TMEM156: variants seen among roughly 807,000 people sequenced by gnomAD.
The protein encoded by TMEM156 is transmembrane protein 156.
Under a neutral mutation model 30.5 loss-of-function variants are expected in TMEM156, and 28 were observed. The ratio of observed to expected loss-of-function variants is 0.92; its 90% confidence interval spans 0.68 to 1.26. TMEM156 has a LOEUF of 1.26. Among genes scored for constraint, TMEM156 ranks in the 50% most tolerant of loss-of-function variants. The probability of loss-of-function intolerance (pLI) is 0.00; values close to 1 mark genes in which losing one functional copy is unlikely to be tolerated. For synonymous variants in TMEM156, 137 were observed against 119.9 expected (o/e 1.14, Z -0.93); for missense variants, 351 against 340.6 (o/e 1.03, Z -0.24).
At chr4:38,983,408 CT>C (rs1404616711) in intron 5 of TMEM156, among the ~76,000 whole-genome samples, 1 of 151,912 alleles carries the variant, frequency 6.6e-6, no homozygotes, top group Non-Finnish European at 1.5e-5. Context: ...TTTAAAGTTA[CT>C]TTTTTTTGAG....
chr4:39,024,872 G>C (rs1715099962), intron 1 of TMEM156, among the ~76,000 whole-genome samples: 1 of 152,182 alleles, frequency 6.6e-6, no homozygotes, highest in Admixed American at 6.5e-5. Flanking sequence ...AATTATGCCT[G>C]TTAAAAACAT....
Position 39,026,698 on chromosome 4 carries a change from G to A in TMEM156, c.88+5528C>T, listed in dbSNP as rs148713243. 3.0e-3 allele frequency among the ~76,000 whole-genome samples: 452 copies of A among 152,136 alleles called. 4 individuals are homozygous for A. Among genetic ancestry groups the A allele is most frequent in the African/African-American group, 0.01 (432 of 41,504 alleles). ...TCCCAACACTCTGGGAGGCTGAGGC[G>A]GGTGGGTCACTTGAGATCAGGAGTT... On this transcript the variant is annotated intron_variant, in intron 1 of 6. Transcript: ENST00000381938.
intron 1 of TMEM156, among the ~76,000 whole-genome samples, chr4:39,005,123 A>C (rs1176678209): frequency 6.6e-6 from 1 of 152,244 alleles, no homozygotes; most frequent in Non-Finnish European, 1.5e-5. Context: ...AAATCAAGTG[A>C]CTATATATTG....
intron 1 of TMEM156, among the ~76,000 whole-genome samples, chr4:39,029,197 G>A (rs1292819846): frequency 2.6e-5 from 4 of 151,918 alleles, no homozygotes; most frequent in African/African-American, 9.7e-5. Flanking sequence ...ACATGTTAAA[G>A]ACAGGGTATC....
In TMEM156 at chr4:39,008,075, A is replaced by G. The variant is rs149668732; in HGVS notation, c.89-9166T>C. On this transcript the variant is annotated intron_variant, in intron 1 of 6. Coordinates refer to ENST00000381938, the MANE Select transcript of TMEM156 (RefSeq NM_024943.3). ...ATATGCATATTGACTGCAAATAATT[A>G]TAACTTTATTTCTTACTTTCCAATC... Among the ~76,000 whole-genome samples the G allele has an allele frequency of 4.2e-3, 640 of 152,232 alleles. 3 individuals are homozygous for G. Among genetic ancestry groups the G allele is most frequent in the African/African-American group, 0.015 (621 of 41,550 alleles).
At chr4:38,977,506 A>G (rs1037032338) in intron 5 of TMEM156, among the ~76,000 whole-genome samples, 1 of 152,236 alleles carries the variant, frequency 6.6e-6, no homozygotes, top group African/African-American at 2.4e-5. Context: ...TTAAAAGGCA[A>G]AAAGGTAGGA....
chr4:39,013,519 G>A (rs1056354642), intron 1 of TMEM156, among the ~76,000 whole-genome samples: 1 of 151,712 alleles, frequency 6.6e-6, no homozygotes, highest in Non-Finnish European at 1.5e-5. Flanking sequence ...CCCTGCCTCA[G>A]CCTCCCGAGT....
intron 2 of TMEM156, among the ~76,000 whole-genome samples, chr4:38,998,031 A>G (rs983195245): frequency 3.3e-5 from 5 of 152,246 alleles, no homozygotes; most frequent in Non-Finnish European, 7.3e-5. Context: ...GATTCACTTA[A>G]AATTGTTTTT....
chr4:38,977,983 T>A (rs1436484495), intron 5 of TMEM156, among the ~76,000 whole-genome samples: 2 of 152,240 alleles, frequency 1.3e-5, no homozygotes, highest in South Asian at 2.1e-4. Context: ...CCATGACATC[T>A]GGTATCTAAC....
intron 6 of TMEM156, 90 bp downstream of exon 6, chr4:38,970,942 A>C: frequency 1.3e-6 from 1 of 778,634 alleles, no homozygotes. Flanking sequence ...ACCTCCTACC[A>C]GATAGAAATG....
intron 3 of TMEM156, 55 bp from the exon 4 acceptor site, chr4:38,989,025 G>A: frequency 6.4e-7 from 1 of 1,560,476 alleles, no homozygotes; most frequent in Non-Finnish European, 8.7e-7. Flanking sequence ...ACAGATAAAA[G>A]GCAATGTGGC....
At chr4:39,031,304 AT>A (rs1385849867) in intron 1 of TMEM156, among the ~76,000 whole-genome samples, 4 of 152,168 alleles carry the variant, frequency 2.6e-5, no homozygotes, top group Non-Finnish European at 5.9e-5. Flanking sequence ...ATACCTATTT[AT>A]TTTCCTAATC....
At chr4:39,023,691 A>C (rs1715014701) in intron 1 of TMEM156, among the ~76,000 whole-genome samples, 1 of 151,816 alleles carries the variant, frequency 6.6e-6, no homozygotes, top group South Asian at 2.1e-4. Flanking sequence ...AAAATACAAA[A>C]AATAAAAATA....
chr4:38,971,346 A>G (rs182176545), intron 5 of TMEM156, among the ~76,000 whole-genome samples: 33 of 152,312 alleles, frequency 2.2e-4, no homozygotes, highest in African/African-American at 7.9e-4. Flanking sequence ...CTGGGCACAA[A>G]TACCTGAAGC....
At chr4:39,011,227 A>C (rs1315986001) in intron 1 of TMEM156, among the ~76,000 whole-genome samples, 1 of 152,244 alleles carries the variant, frequency 6.6e-6, no homozygotes, top group African/African-American at 2.4e-5. Flanking sequence ...CACTAGTCAG[A>C]ATGACTATTA....
chr4:39,017,467 C>T (rs1714577910), intron 1 of TMEM156, among the ~76,000 whole-genome samples: 1 of 152,128 alleles, frequency 6.6e-6, no homozygotes, highest in African/African-American at 2.4e-5. Context: ...GTGTGAGCCA[C>T]CGCACCCAGC....
chr4:39,023,718 G>T (rs544900523), intron 1 of TMEM156, among the ~76,000 whole-genome samples: 5 of 152,240 alleles, frequency 3.3e-5, no homozygotes, highest in African/African-American at 9.6e-5. Context: ...TCCAGGCATG[G>T]TGGTGGGCAC....
chr4:38,993,266 C>G (rs1712672874), intron 3 of TMEM156, among the ~76,000 whole-genome samples: 1 of 151,882 alleles, frequency 6.6e-6, no homozygotes, highest in South Asian at 2.1e-4. Context: ...CCCGTCTCTA[C>G]TAAAAATACA....
rs554926680 is a variant in TMEM156, at chr4:38,986,504, C to T, written c.740-85G>A. ...TTCCCCATGTTGGTTCAAAGGATTA[C>T]CAAAAAGAATGGAGCCATTCATGGC... On this transcript the variant is annotated intron_variant, in intron 4 of 6. Coordinates refer to ENST00000381938, the MANE Select transcript of TMEM156 (RefSeq NM_024943.3). 2.1e-5 allele frequency: 22 copies of T among 1,056,776 alleles called. No homozygotes were observed. In the African/African-American group the frequency reaches 3.5e-4, roughly 17 times the overall value. The allele number at this position is 1,056,776 out of a possible 1,614,324, so 65.5% of individuals were successfully genotyped here.
Sources: allele counts gnomAD v4.1 joint callset (sites outside exome capture counted in the v4.1 genomes callset), GRCh38; gene constraint gnomAD v4.1.1; transcripts MANE v1.5; gene names NCBI Gene and HGNC (gene_info 2026-07-23, HGNC 2026-07-21).